SYT1: variants seen among roughly 807,000 people sequenced by gnomAD.
SYT1 encodes the protein synaptotagmin 1.
In SYT1, 8 loss-of-function variants were observed where a neutral mutation model predicts 44.8. The observed-to-expected ratio is 0.18, with a 90% CI of 0.10 to 0.32. The LOEUF (loss-of-function observed/expected upper bound fraction) is 0.32. Among genes scored for constraint, SYT1 ranks in the 10% least tolerant of loss-of-function variants. The probability of loss-of-function intolerance (pLI) is 1.00; values close to 1 mark genes in which losing one functional copy is unlikely to be tolerated. For missense variants in SYT1, 286 were observed against 509.3 expected (o/e 0.56, Z 4.22); for synonymous variants, 154 against 188.8 (o/e 0.82, Z 1.51).
intron 4 of SYT1, among the ~76,000 whole-genome samples, chr12:79,229,574 A>G (rs955915157): frequency 9.4e-5 from 14 of 148,822 alleles, no homozygotes; most frequent in Non-Finnish European, 1.9e-4. Context: ...CACCTAAAGC[A>G]GTAGGGTTTT....
chr12:79,228,527 C>T (rs1875663540), intron 4 of SYT1, among the ~76,000 whole-genome samples: 1 of 152,102 alleles, frequency 6.6e-6, no homozygotes, highest in Non-Finnish European at 1.5e-5. Flanking sequence ...CTTCTTTCCT[C>T]CCCTTCTCCT....
At chr12:79,312,274 T>C (rs1349571510) in intron 8 of SYT1, among the ~76,000 whole-genome samples, 5 of 152,190 alleles carry the variant, frequency 3.3e-5, no homozygotes, top group Non-Finnish European at 5.9e-5. Flanking sequence ...TGAGGCCTTC[T>C]TCCAGAAAAT....
At chr12:79,025,453 G>A (rs1872466916) in intron 2 of SYT1, among the ~76,000 whole-genome samples, 1 of 151,546 alleles carries the variant, frequency 6.6e-6, no homozygotes, top group Non-Finnish European at 1.5e-5. Context: ...TTTAAACCAT[G>A]AGAAACTAAG....
chr12:79,283,966 T>C (rs1879178484), intron 4 of SYT1, among the ~76,000 whole-genome samples: 1 of 151,940 alleles, frequency 6.6e-6, no homozygotes, highest in South Asian at 2.1e-4. Context: ...GAGAGTAGAT[T>C]TTCTCAATTT....
intron 10 of SYT1, among the ~76,000 whole-genome samples, chr12:79,445,735 G>A (rs1870672033): frequency 6.7e-6 from 1 of 150,240 alleles, no homozygotes; most frequent in Non-Finnish European, 1.5e-5. Flanking sequence ...GTTGGCTGTT[G>A]TGAATAGTGC....
chr12:79,137,087 T>C (rs1869240504), intron 3 of SYT1, among the ~76,000 whole-genome samples: 1 of 151,826 alleles, frequency 6.6e-6, no homozygotes, highest in Admixed American at 6.6e-5. Flanking sequence ...ATACTATACT[T>C]GGAACTTTTT....
At chr12:79,380,888 T>A (rs1009958224) in intron 9 of SYT1, among the ~76,000 whole-genome samples, 1 of 152,194 alleles carries the variant, frequency 6.6e-6, no homozygotes. Context: ...CAACCCCATA[T>A]GTATGATTCC....
chr12:79,431,513 ATTATTTATTTAT>A lies in SYT1; in HGVS notation c.929-12530_929-12519del, dbSNP rs35004307. ...GCCATAGTTTATTTTATTTTATTTT[ATTATTTATTTAT>A]TTATTTATTTATTTATTTATTTATT... On this transcript the variant is annotated intron_variant, in intron 9 of 10. Coordinates refer to ENST00000261205, the MANE Select transcript of SYT1 (RefSeq NM_005639.3). 1.3e-3 allele frequency among the ~76,000 whole-genome samples: 189 copies of A among 142,720 alleles called. 1 individual carries two copies. Among genetic ancestry groups the A allele is most frequent in the African/African-American group, 4.7e-3 (175 of 37,468 alleles). 93.6% of individuals were successfully genotyped at this position (142,720 alleles called of 152,430 possible). A position where few individuals can be genotyped will look rare whatever the true frequency, so the allele number is the denominator to read the frequency against.
At chr12:79,176,368 C>T (rs371819257) in intron 3 of SYT1, among the ~76,000 whole-genome samples, 14 of 151,648 alleles carry the variant, frequency 9.2e-5, no homozygotes, top group African/African-American at 3.4e-4. Flanking sequence ...TGCAGATTTT[C>T]AGGGGTGTAG....
intron 3 of SYT1, among the ~76,000 whole-genome samples, chr12:79,074,575 T>G (rs1876506318): frequency 6.6e-6 from 1 of 152,214 alleles, no homozygotes; most frequent in Non-Finnish European, 1.5e-5. Flanking sequence ...TAAAATTTTC[T>G]GAATAAAATG....
At chr12:79,056,961 C>G (rs934157087) in intron 3 of SYT1, among the ~76,000 whole-genome samples, 10 of 151,758 alleles carry the variant, frequency 6.6e-5, no homozygotes, top group African/African-American at 1.7e-4. Flanking sequence ...CATAAAAATC[C>G]CTTTACAGTC....
At chr12:78,965,001 A>G (rs1879697509) in intron 1 of SYT1, among the ~76,000 whole-genome samples, 1 of 152,072 alleles carries the variant, frequency 6.6e-6, no homozygotes, top group Non-Finnish European at 1.5e-5. Context: ...ATGCAAATAT[A>G]TTCTGATATG....
chr12:78,865,974 G>C (rs1034409245), intron 1 of SYT1, among the ~76,000 whole-genome samples: 1 of 151,850 alleles, frequency 6.6e-6, no homozygotes, highest in Non-Finnish European at 1.5e-5. Flanking sequence ...TCTTGGTATG[G>C]CCTGTTGTTG....
intron 2 of SYT1, among the ~76,000 whole-genome samples, chr12:79,019,714 A>C (rs1297321959): frequency 6.6e-6 from 1 of 151,958 alleles, no homozygotes; most frequent in African/African-American, 2.4e-5. Flanking sequence ...TTATTTTACT[A>C]AACTCCTTTC....
intron 3 of SYT1, among the ~76,000 whole-genome samples, chr12:79,210,774 T>C (rs1045460016): frequency 1.3e-5 from 2 of 152,158 alleles, no homozygotes; most frequent in Non-Finnish European, 2.9e-5. Context: ...AGTAATGAGA[T>C]TGCTGGATCA....
intron 3 of SYT1, among the ~76,000 whole-genome samples, chr12:79,101,390 G>A (rs1055063376): frequency 6.6e-6 from 1 of 152,164 alleles, no homozygotes; most frequent in Non-Finnish European, 1.5e-5. Flanking sequence ...AACAAATATT[G>A]TATGATTTCA....
intron 9 of SYT1, among the ~76,000 whole-genome samples, chr12:79,421,288 T>C (rs1243655468): frequency 6.6e-6 from 1 of 152,180 alleles, no homozygotes; most frequent in African/African-American, 2.4e-5. Context: ...TTGTGGTAGA[T>C]GAAACTTCCT....
chr12:79,108,745 A>G (rs1287719210), intron 3 of SYT1, among the ~76,000 whole-genome samples: 1 of 152,228 alleles, frequency 6.6e-6, no homozygotes, highest in African/African-American at 2.4e-5. Context: ...GCAAGCTAGA[A>G]CTTTTAAATA....
intron 1 of SYT1, among the ~76,000 whole-genome samples, chr12:78,924,781 C>G (rs935535522): frequency 6.6e-6 from 1 of 151,148 alleles, no homozygotes; most frequent in Non-Finnish European, 1.5e-5. Context: ...GAATACATCC[C>G]TAATTTCTGG....
Sources: gnomAD v4.1 joint callset for allele counts (sites outside exome capture counted in the v4.1 genomes callset) on GRCh38, gnomAD v4.1.1 for gene constraint, MANE v1.5 for transcripts, NCBI Gene and HGNC (gene_info 2026-07-23, HGNC 2026-07-21) for gene names.